SAMTOR: variants seen among roughly 807,000 people sequenced by gnomAD.
The protein encoded by SAMTOR is S-adenosylmethionine sensor upstream of mTORC1.
At chr7:112,870,361 T>C in the SAMTOR span, among the ~76,000 whole-genome samples, 5 of 152,172 alleles carry the variant, frequency 3.3e-5, no homozygotes, top group Non-Finnish European at 7.4e-5. Flanking sequence ...CCATAAGAGA[T>C]TGGGCTCCCG....
At chr7:112,893,379 C>T in the SAMTOR span, among the ~76,000 whole-genome samples, 1 of 152,244 alleles carries the variant, frequency 6.6e-6, no homozygotes, top group Non-Finnish European at 1.5e-5. Context: ...TCACCTTGCA[C>T]TTTATGTCAT....
chr7:112,932,354 T>C, the SAMTOR span, among the ~76,000 whole-genome samples: 2 of 152,226 alleles, frequency 1.3e-5, no homozygotes, highest in South Asian at 2.1e-4. Flanking sequence ...TATAGAAAAA[T>C]AGAATGCTAT....
chr7:112,838,073 G>C, the SAMTOR span, among the ~76,000 whole-genome samples: 1 of 151,934 alleles, frequency 6.6e-6, no homozygotes, highest in South Asian at 2.1e-4. Context: ...AACAAAAAAT[G>C]TAACACCAAA....
the SAMTOR span, among the ~76,000 whole-genome samples, chr7:112,904,769 A>T: frequency 5.9e-5 from 9 of 152,202 alleles, no homozygotes; most frequent in African/African-American, 1.9e-4. Context: ...ACAAAACAAA[A>T]ATCCAAAGAT....
At chr7:112,907,891 A>C in the SAMTOR span, among the ~76,000 whole-genome samples, 1 of 149,886 alleles carries the variant, frequency 6.7e-6, no homozygotes, top group African/African-American at 2.5e-5. Context: ...GTGAAACTGC[A>C]AAATGATATA....
the SAMTOR span, among the ~76,000 whole-genome samples, chr7:112,839,344 A>G: frequency 6.6e-6 from 1 of 151,916 alleles, no homozygotes; most frequent in Admixed American, 6.6e-5. Context: ...CAAGATAGAA[A>G]TTAATCACCA....
the SAMTOR span, chr7:112,939,146 T>C: frequency 6.1e-4 from 102 of 167,972 alleles, no homozygotes; most frequent in Non-Finnish European, 1.2e-3. Context: ...AGGAAGCAAA[T>C]GGTACAGCCG....
chr7:112,854,205 C>T, the SAMTOR span, among the ~76,000 whole-genome samples: 1 of 152,130 alleles, frequency 6.6e-6, no homozygotes, highest in Non-Finnish European at 1.5e-5. Flanking sequence ...TATTTGGCAA[C>T]TTACCCTTAG....
chr7:112,911,621 C>T, the SAMTOR span, among the ~76,000 whole-genome samples: 1 of 151,808 alleles, frequency 6.6e-6, no homozygotes, highest in Non-Finnish European at 1.5e-5. Flanking sequence ...TTAGAATAAG[C>T]AGACAAAAAC....
At chr7:112,927,600 AAG>A in the SAMTOR span, among the ~76,000 whole-genome samples, 39 of 152,086 alleles carry the variant, frequency 2.6e-4, no homozygotes, top group African/African-American at 8.2e-4. Flanking sequence ...GACAGAGAGA[AAG>A]AGAGAGAGAA....
the SAMTOR span, among the ~76,000 whole-genome samples, chr7:112,861,209 T>C: frequency 6.6e-6 from 1 of 152,202 alleles, no homozygotes; most frequent in Non-Finnish European, 1.5e-5. Flanking sequence ...TGGCAACCTA[T>C]ACTGCAGTAG....
chr7:112,925,676 C>T, the SAMTOR span, among the ~76,000 whole-genome samples: 7 of 152,146 alleles, frequency 4.6e-5, 1 homozygote, highest in South Asian at 1.2e-3. Flanking sequence ...TGCCTGTAAT[C>T]CCAACTATTC....
the SAMTOR span, among the ~76,000 whole-genome samples, chr7:112,881,644 T>G: frequency 6.6e-6 from 1 of 152,156 alleles, no homozygotes; most frequent in Admixed American, 6.5e-5. Context: ...CACTCAGGAC[T>G]GCCTGCCTAC....
the SAMTOR span, among the ~76,000 whole-genome samples, chr7:112,824,553 G>T: frequency 2.0e-5 from 3 of 152,134 alleles, no homozygotes; most frequent in East Asian, 5.8e-4. Flanking sequence ...TGTAGAGACA[G>T]GGTTTCACCA....
At chr7:112,907,831 A>AGTCT in the SAMTOR span, among the ~76,000 whole-genome samples, 2 of 127,528 alleles carry the variant, frequency 1.6e-5, no homozygotes, top group African/African-American at 5.8e-5. Context: ...AGAAATGGGT[A>AGTCT]TTCTTACTTA....
At chr7:112,864,100 A>G in the SAMTOR span, among the ~76,000 whole-genome samples, 47 of 152,342 alleles carry the variant, frequency 3.1e-4, no homozygotes, top group African/African-American at 1.1e-3. Flanking sequence ...CTTTGCAGGG[A>G]CAATGGCCAT....
chr7:112,918,821 TA>T, the SAMTOR span, among the ~76,000 whole-genome samples: 1 of 152,146 alleles, frequency 6.6e-6, no homozygotes, highest in East Asian at 1.9e-4. Context: ...AAACAGACTT[TA>T]AACCAACAAA....
chr7:112,867,420 A>T, the SAMTOR span, among the ~76,000 whole-genome samples: 1 of 152,208 alleles, frequency 6.6e-6, no homozygotes, highest in African/African-American at 2.4e-5. Context: ...TCTATTTCTC[A>T]AGGAAATGGA....
chr7:112,885,810 G>A, the SAMTOR span, among the ~76,000 whole-genome samples: 1 of 152,104 alleles, frequency 6.6e-6, no homozygotes, highest in Admixed American at 6.5e-5. Flanking sequence ...CAGTTCCAAA[G>A]TTGCTCCCAC....
Sources: gnomAD v4.1 joint callset for allele counts (sites outside exome capture counted in the v4.1 genomes callset) on GRCh38, gnomAD v4.1.1 for gene constraint, MANE v1.5 for transcripts, NCBI Gene and HGNC (gene_info 2026-07-23, HGNC 2026-07-21) for gene names.